TRERF1: variants seen among roughly 807,000 people sequenced by gnomAD.
TRERF1 encodes transcriptional regulating factor 1.
TRERF1 carries 27 observed loss-of-function variants against 122.9 expected under a neutral mutation model. The observed-to-expected ratio is 0.22, with a 90% CI of 0.16 to 0.30. The LOEUF (loss-of-function observed/expected upper bound fraction) is 0.30, where lower values mean the gene tolerates loss of function less well. Ranked by LOEUF, TRERF1 falls within the 10% of genes least tolerant of loss-of-function variation. The pLI is 1.00. For synonymous variants in TRERF1, 636 were observed against 641.7 expected (o/e 0.99, Z 0.13); for missense variants, 1,248 against 1,560.3 (o/e 0.80, Z 3.37).
rs902536746 is a variant in TRERF1, at chr6:42,263,049, C to T, written c.1884+271G>A. On this transcript the variant is annotated intron_variant, in intron 8 of 17. Transcript: ENST00000372922. This position sits in a 1 kb window ranked among gnomAD's most constrained non-coding sequence, Gnocchi z 5.6. ...TTTAAACCTGGGAACACTTTCGGGTCTCTCAGAATCTAACCTAGGCCATTA... is the reference window on the plus strand; with the variant it reads ...TTTAAACCTGGGAACACTTTCGGGTTTCTCAGAATCTAACCTAGGCCATTA... Among the ~76,000 whole-genome samples the T allele has an allele frequency of 1.3e-5, 2 of 152,214 alleles. No individual in the cohort carries two copies. The highest frequency in any genetic ancestry group is 4.8e-5 in the African/African-American group (2 of 41,446).
chr6:42,427,921 A>G (rs1183418556), intron 2 of TRERF1, among the ~76,000 whole-genome samples: 1 of 152,166 alleles, frequency 6.6e-6, no homozygotes, highest in African/African-American at 2.4e-5. Context: ...TATACCTTGA[A>G]CAGTTTCTTC....
At chr6:42,418,204 TTTC>T (rs1782139612) in intron 2 of TRERF1, among the ~76,000 whole-genome samples, 1 of 114,844 alleles carries the variant, frequency 8.7e-6, no homozygotes, top group South Asian at 3.4e-4. Flanking sequence ...TCTCTCCTTC[TTTC>T]TTTTTCTTTC....
intron 2 of TRERF1, among the ~76,000 whole-genome samples, chr6:42,414,296 C>T (rs977139649): frequency 2.0e-5 from 3 of 152,012 alleles, no homozygotes; most frequent in Non-Finnish European, 4.4e-5. Flanking sequence ...TTTTTTAATG[C>T]GCCATAAAGT....
chr6:42,282,661 G>C (rs961045372), intron 4 of TRERF1, among the ~76,000 whole-genome samples: 5 of 152,204 alleles, frequency 3.3e-5, no homozygotes, highest in African/African-American at 1.2e-4. Context: ...GAAAAAGAAA[G>C]ATGCAGAACA....
chr6:42,381,441 T>C (rs929826480), intron 2 of TRERF1, among the ~76,000 whole-genome samples: 3 of 151,972 alleles, frequency 2.0e-5, no homozygotes, highest in Non-Finnish European at 2.9e-5. Context: ...TGAAGCTCCA[T>C]GCTGAATGAA....
At position 42,426,008 on chromosome 6, in the gene TRERF1, A is replaced by G. The variant is rs953006387; in HGVS notation, c.-454+25169T>C. On this transcript the variant is annotated intron_variant, in intron 2 of 17. Coordinates refer to ENST00000372922, the Ensembl canonical transcript of TRERF1. The stretch of plus-strand genomic sequence containing the variant: ...GGTCACCCTCCAGTCTGTCCCTTAC[A>G]TTTGCACTGACATACATACTTGACA... Among the ~76,000 whole-genome samples the G allele has an allele frequency of 3.9e-5, 6 of 152,154 alleles. No individual in the cohort carries two copies. The South Asian group carries it at 6.2e-4, about 16-fold the overall frequency.
At chr6:42,261,974 C>T (rs1401702929) in intron 8 of TRERF1, among the ~76,000 whole-genome samples, 1 of 151,716 alleles carries the variant, frequency 6.6e-6, no homozygotes, top group East Asian at 1.9e-4. Context: ...CTCTTACCAT[C>T]TTGAAGGGGT....
intron 2 of TRERF1, among the ~76,000 whole-genome samples, chr6:42,375,064 C>T (rs1258405324): frequency 1.4e-5 from 2 of 147,908 alleles, no homozygotes; most frequent in Admixed American, 1.3e-4. Flanking sequence ...AGTAATTATA[C>T]GGGAAATTAA....
At position 42,239,381 on chromosome 6, in the gene TRERF1, C is replaced by T. The variant is rs545129778; in HGVS notation, c.2860-2970G>A. 1.4e-4 allele frequency among the ~76,000 whole-genome samples: 21 copies of T among 152,286 alleles called. 1 individual carries two copies. In the South Asian group the frequency reaches 4.4e-3, roughly 32 times the overall value. The stretch of plus-strand genomic sequence containing the variant: ...GACAGGAAGGTGTGGCCAGCACCTT[C>T]TCCTCTCACCTCATTAACAGAACCC... On this transcript the variant is annotated intron_variant, in intron 15 of 17. Coordinates refer to ENST00000372922, the Ensembl canonical transcript of TRERF1.
In TRERF1 at chr6:42,314,394, G is replaced by A. The variant is rs191501611; in HGVS notation, c.-370-13645C>T. On this transcript the variant is annotated intron_variant, in intron 3 of 17. Coordinates refer to ENST00000372922, the Ensembl canonical transcript of TRERF1. ...CAACAAGAAGCCAAGCTCACCCGATGCTTTCAAATGTGCACAGTTAAACTA... is the reference window on the plus strand; with the variant it reads ...CAACAAGAAGCCAAGCTCACCCGATACTTTCAAATGTGCACAGTTAAACTA... 2.0e-3 allele frequency among the ~76,000 whole-genome samples: 309 copies of A among 152,258 alleles called. 1 individual carries two copies. The highest frequency in any genetic ancestry group is 6.7e-3 in the African/African-American group (279 of 41,538).
At chr6:42,419,963 C>T (rs1441842705) in intron 2 of TRERF1, among the ~76,000 whole-genome samples, 1 of 152,216 alleles carries the variant, frequency 6.6e-6, no homozygotes, top group Non-Finnish European at 1.5e-5. Flanking sequence ...CACTAAATCA[C>T]ACTCCCTTCA....
At chr6:42,375,369 C>T (rs567716146) in intron 2 of TRERF1, among the ~76,000 whole-genome samples, 11 of 152,338 alleles carry the variant, frequency 7.2e-5, no homozygotes, top group African/African-American at 2.4e-4. Context: ...TCATCCCATG[C>T]ACATGAAGCT....
At chr6:42,284,833 T>C (rs1443663196) in intron 4 of TRERF1, among the ~76,000 whole-genome samples, 1 of 152,200 alleles carries the variant, frequency 6.6e-6, no homozygotes, top group East Asian at 1.9e-4. Flanking sequence ...TTGTGTTTCA[T>C]GCATTCAAAT....
intron 2 of TRERF1, among the ~76,000 whole-genome samples, chr6:42,405,962 C>T (rs541801782): frequency 2.6e-4 from 39 of 152,128 alleles, no homozygotes; most frequent in East Asian, 7.7e-4. Flanking sequence ...ACAGAAGCAC[C>T]GTCATTTCCA....
intron 3 of TRERF1, among the ~76,000 whole-genome samples, chr6:42,333,435 C>T (rs957588962): frequency 9.2e-5 from 14 of 152,174 alleles, no homozygotes; most frequent in African/African-American, 2.2e-4. Flanking sequence ...CCAAAGGACC[C>T]GGAACGTTGT....
chr6:42,260,850 C>T (rs1407187055), intron 8 of TRERF1, among the ~76,000 whole-genome samples: 2 of 152,178 alleles, frequency 1.3e-5, no homozygotes, highest in Non-Finnish European at 2.9e-5. Context: ...GGCTCCTCTC[C>T]CTCCAGAGCT....
intron 2 of TRERF1, among the ~76,000 whole-genome samples, chr6:42,446,062 C>CCGCCA (rs1787452209): frequency 6.6e-6 from 1 of 152,136 alleles, no homozygotes; most frequent in Non-Finnish European, 1.5e-5. Flanking sequence ...TCACAGGCAT[C>CCGCCA]CGCCACCACG....
intron 2 of TRERF1, among the ~76,000 whole-genome samples, chr6:42,436,077 G>A (rs947811250): frequency 6.6e-6 from 1 of 151,886 alleles, no homozygotes; most frequent in East Asian, 1.9e-4. Context: ...CATATGAAAG[G>A]ATAATAAGCG....
intron 3 of TRERF1, among the ~76,000 whole-genome samples, chr6:42,323,836 C>T (rs576891150): frequency 2.4e-4 from 36 of 152,276 alleles, no homozygotes; most frequent in African/African-American, 7.0e-4. Flanking sequence ...AGCAGGTCTA[C>T]CTGGCCACAG....
Sources: gnomAD v4.1 joint callset for allele counts (sites outside exome capture counted in the v4.1 genomes callset) on GRCh38, gnomAD v4.1.1 for gene constraint, Gnocchi (gnomAD v3.1) non-coding constraint, MANE v1.5 for transcripts, NCBI Gene and HGNC (gene_info 2026-07-23, HGNC 2026-07-21) for gene names.